The following NCOA2 variants were observed in gnomAD, a reference collection of about 807,000 sequenced individuals.
NCOA2 encodes the protein class E basic helix-loop-helix protein 75.
Under a neutral mutation model 145.1 loss-of-function variants are expected in NCOA2, and 21 were observed. That is an observed-to-expected ratio of 0.14 (90% CI 0.10 to 0.21). NCOA2 has a LOEUF of 0.21. NCOA2 is among the 10% of genes least tolerant of loss of function. The pLI, the probability that NCOA2 is intolerant of heterozygous loss-of-function variation, is 1.00. For synonymous variants in NCOA2, 619 were observed against 637.5 expected (o/e 0.97, Z 0.44); for missense variants, 1,472 against 1,837.6 (o/e 0.80, Z 3.64).
chr8:70,190,794 T>A (rs2133238379), intron 4 of NCOA2, among the ~76,000 whole-genome samples: 1 of 152,248 alleles, frequency 6.6e-6, no homozygotes, highest in South Asian at 2.1e-4. Context: ...AGGCAGAGGT[T>A]GCAGTAAGCT....
At chr8:70,312,202 T>C (rs1316875905) in intron 1 of NCOA2, among the ~76,000 whole-genome samples, 2 of 152,012 alleles carry the variant, frequency 1.3e-5, no homozygotes, top group African/African-American at 2.4e-5. Flanking sequence ...GGGGAAAAAA[T>C]GGTGTTTATT....
In NCOA2 at chr8:70,387,096, G is replaced by A. The variant is rs191849620; in HGVS notation, c.-77+16604C>T. 1.4e-4 allele frequency among the ~76,000 whole-genome samples: 22 copies of A among 152,008 alleles called. No individual in the cohort carries two copies. The East Asian group carries it at 3.3e-3, about 23-fold the overall frequency. ...GAGATGGGGTCTCGCTTTAACGCCC[G>A]GTCTGGTAAACTTTCTTTTAAATCA... On this transcript the variant is annotated intron_variant, in intron 1 of 22. Coordinates refer to ENST00000452400, the MANE Select transcript of NCOA2 (RefSeq NM_006540.4).
intron 7 of NCOA2, among the ~76,000 whole-genome samples, chr8:70,163,778 C>T (rs546816445): frequency 2.0e-5 from 3 of 152,142 alleles, no homozygotes; most frequent in South Asian, 4.1e-4. Context: ...GTAAGGAGAG[C>T]TGGGGAGCAA....
chr8:70,305,142 C>T (rs1281748458), intron 1 of NCOA2, among the ~76,000 whole-genome samples: 2 of 151,184 alleles, frequency 1.3e-5, no homozygotes, highest in South Asian at 2.1e-4. Context: ...CCACCTAGGC[C>T]TCCCAAAGTG....
chr8:70,366,316 G>T (rs1810684246), intron 1 of NCOA2, among the ~76,000 whole-genome samples: 1 of 152,124 alleles, frequency 6.6e-6, no homozygotes, highest in Non-Finnish European at 1.5e-5. Flanking sequence ...GTTAAAAGAG[G>T]GGGGAAATAC....
At chr8:70,345,312 G>A (rs910750886) in intron 1 of NCOA2, among the ~76,000 whole-genome samples, 5 of 152,280 alleles carry the variant, frequency 3.3e-5, no homozygotes, top group African/African-American at 1.2e-4. Context: ...ATTTAGAAAT[G>A]TATTTTTTCA....
intron 4 of NCOA2, among the ~76,000 whole-genome samples, chr8:70,209,656 C>T (rs1325784136): frequency 1.3e-5 from 2 of 152,208 alleles, no homozygotes; most frequent in African/African-American, 4.8e-5. Flanking sequence ...GAGATTAGAA[C>T]TTGTTGACGA....
intron 1 of NCOA2, among the ~76,000 whole-genome samples, chr8:70,354,169 C>G (rs1029329584): frequency 3.3e-5 from 5 of 152,124 alleles, no homozygotes; most frequent in Admixed American, 6.5e-5. Flanking sequence ...GTATGTCATT[C>G]TTATCTTTTC....
chr8:70,127,030 C>T lies in NCOA2; in HGVS notation c.3699G>A (p.Gln1233=). 6.2e-7 allele frequency: 1 copy of T among 1,610,596 alleles called. No individual in the cohort carries two copies. Among genetic ancestry groups the T allele is most frequent in the Non-Finnish European group, 8.5e-7 (1 of 1,178,270 alleles). ...GVPTQAPINA[Q]MLAQRQREIL... ...TTTCCCTCTGTCTCTGGGCCAGCAT[C>T]TGTGCATTAATAGGTGCCTGAAATC... The change falls in exon 19 of 23, where the codon CAG becomes CAA. Residue 1233 remains glutamine (Q), a synonymous_variant. Transcript: ENST00000452400.
At chr8:70,277,114 T>C (rs1156510474) in intron 2 of NCOA2, among the ~76,000 whole-genome samples, 7 of 152,310 alleles carry the variant, frequency 4.6e-5, no homozygotes, top group African/African-American at 1.4e-4. Context: ...TAATTTTTTT[T>C]CCCTCGGGTT....
intron 1 of NCOA2, among the ~76,000 whole-genome samples, chr8:70,329,746 A>C (rs1164625082): frequency 1.3e-5 from 2 of 152,224 alleles, no homozygotes; most frequent in Admixed American, 6.5e-5. Context: ...AAACAAAAGC[A>C]CTAACGCTAT....
At chr8:70,359,323 T>C (rs927476026) in intron 1 of NCOA2, among the ~76,000 whole-genome samples, 1 of 152,188 alleles carries the variant, frequency 6.6e-6, no homozygotes, top group Non-Finnish European at 1.5e-5. Context: ...ACAGCCAAAA[T>C]GTCGATCAAT....
At chr8:70,361,652 T>C (rs1207192033) in intron 1 of NCOA2, among the ~76,000 whole-genome samples, 1 of 152,226 alleles carries the variant, frequency 6.6e-6, no homozygotes, top group African/African-American at 2.4e-5. Context: ...TGTCTTCAGC[T>C]TTCCCTAAAA....
intron 2 of NCOA2, among the ~76,000 whole-genome samples, chr8:70,258,473 T>C (rs1010437300): frequency 6.6e-6 from 1 of 152,190 alleles, no homozygotes; most frequent in Admixed American, 6.5e-5. Flanking sequence ...TATTTTTTTT[T>C]CCCCAGGAGA....
chr8:70,260,217 G>A (rs1824000449), intron 2 of NCOA2, among the ~76,000 whole-genome samples: 1 of 151,920 alleles, frequency 6.6e-6, no homozygotes, highest in Non-Finnish European at 1.5e-5. Context: ...TCGGTCTGTC[G>A]CCCAGGCTGG....
At chr8:70,427,446 ACT>A in the NCOA2 span, among the ~76,000 whole-genome samples, 1 of 152,134 alleles carries the variant, frequency 6.6e-6, no homozygotes, top group Non-Finnish European at 1.5e-5. Flanking sequence ...CTTTTCATTT[ACT>A]AATCTTACAT....
the NCOA2 span, among the ~76,000 whole-genome samples, chr8:70,448,256 T>C: frequency 4.7e-4 from 72 of 152,348 alleles, no homozygotes; most frequent in African/African-American, 1.7e-3. Context: ...GTAGGGCAGG[T>C]AGCTATGGAT....
chr8:70,271,681 C>G (rs952527425), intron 2 of NCOA2, among the ~76,000 whole-genome samples: 1 of 152,200 alleles, frequency 6.6e-6, no homozygotes, highest in African/African-American at 2.4e-5. Flanking sequence ...AAGCTTTGGC[C>G]TTCAGTCAGC....
chr8:70,300,604 T>C (rs558175727), intron 1 of NCOA2, among the ~76,000 whole-genome samples: 36 of 152,318 alleles, frequency 2.4e-4, no homozygotes, highest in Non-Finnish European at 5.0e-4. Flanking sequence ...TGTAGGTTAA[T>C]GGCAGGGCGT....
Sources: allele counts gnomAD v4.1 joint callset (sites outside exome capture counted in the v4.1 genomes callset), GRCh38; gene constraint gnomAD v4.1.1; transcripts MANE v1.5; gene names NCBI Gene and HGNC (gene_info 2026-07-23, HGNC 2026-07-21).